PLGRKT: variants seen among roughly 807,000 people sequenced by gnomAD.
The protein encoded by PLGRKT is plasminogen receptor (KT).
Under a neutral mutation model 18.5 loss-of-function variants are expected in PLGRKT, and 22 were observed. The ratio of observed to expected loss-of-function variants is 1.19; its 90% CI spans 0.85 to 1.70. PLGRKT has a LOEUF of 1.70. Ranked by LOEUF, PLGRKT falls within the 40% of genes most tolerant of loss-of-function variation. PLGRKT has a pLI of 0.00. For missense variants in PLGRKT, 235 were observed against 174.4 expected (o/e 1.35, Z -1.96); for synonymous variants, 72 against 52.8 (o/e 1.36, Z -1.58).
At chr9:5,407,434 C>T (rs559498797) in intron 3 of PLGRKT, among the ~76,000 whole-genome samples, 1 of 152,244 alleles carries the variant, frequency 6.6e-6, no homozygotes, top group African/African-American at 2.4e-5. Flanking sequence ...TAATTTGAAA[C>T]ACTTCAGAAC....
intron 3 of PLGRKT, among the ~76,000 whole-genome samples, chr9:5,379,025 G>A (rs1817685545): frequency 6.6e-6 from 1 of 151,778 alleles, no homozygotes; most frequent in African/African-American, 2.4e-5. Flanking sequence ...TACAGTAAAA[G>A]TATAAATAAA....
intron 3 of PLGRKT, among the ~76,000 whole-genome samples, chr9:5,405,481 A>G (rs1818238183): frequency 6.6e-6 from 1 of 152,250 alleles, no homozygotes; most frequent in African/African-American, 2.4e-5. Flanking sequence ...CTGATCTTTG[A>G]CAAACCTGAC....
Position 5,370,255 on chromosome 9 carries a change from T to C in PLGRKT, c.82-8367A>G, listed in dbSNP as rs143426484. 4.6e-3 allele frequency among the ~76,000 whole-genome samples: 699 copies of C among 152,244 alleles called. 7 individuals carry two copies. Among genetic ancestry groups the C allele is most frequent in the African/African-American group, 0.016 (647 of 41,546 alleles). On this transcript the variant is annotated intron_variant, in intron 3 of 5. Coordinates refer to ENST00000223864, the MANE Select transcript of PLGRKT (RefSeq NM_018465.4). ...AAAATATTAAGAACAGCCACAAAAT[T>C]ACTGACCTCAGTAATTTGTCAATCT...
intron 3 of PLGRKT, among the ~76,000 whole-genome samples, chr9:5,403,224 CTTTTTTT>C (rs34557029): frequency 3.3e-4 from 45 of 135,172 alleles, no homozygotes; most frequent in African/African-American, 1.1e-3. Flanking sequence ...ATTCTTTTTT[CTTTTTTT>C]TTTTTTTTTG....
chr9:5,423,446 A>T (rs1205795821), intron 3 of PLGRKT, among the ~76,000 whole-genome samples: 2 of 152,182 alleles, frequency 1.3e-5, no homozygotes, highest in African/African-American at 4.8e-5. Context: ...AAACTAAGGG[A>T]GTCTATATAC....
intron 3 of PLGRKT, among the ~76,000 whole-genome samples, chr9:5,385,312 G>C (rs1402762785): frequency 6.6e-6 from 1 of 151,710 alleles, no homozygotes; most frequent in Non-Finnish European, 1.5e-5. Flanking sequence ...TCATCTGCTT[G>C]AGTTGAAAAG....
intron 3 of PLGRKT, among the ~76,000 whole-genome samples, chr9:5,381,065 C>A (rs1817735272): frequency 6.6e-6 from 1 of 152,214 alleles, no homozygotes; most frequent in Admixed American, 6.5e-5. Context: ...TTGTAAGTTT[C>A]CTGAGGCCTC....
chr9:5,384,871 A>T (rs1817812227), intron 3 of PLGRKT, among the ~76,000 whole-genome samples: 1 of 152,192 alleles, frequency 6.6e-6, no homozygotes. Flanking sequence ...TTGTTTCCTA[A>T]GGTCTTTCAC....
At chr9:5,359,606 C>CA (rs1346203048) in intron 5 of PLGRKT, among the ~76,000 whole-genome samples, 2 of 152,178 alleles carry the variant, frequency 1.3e-5, no homozygotes, top group Admixed American at 1.3e-4. Flanking sequence ...ATGATAAACT[C>CA]AGTCGAATAG....
intron 3 of PLGRKT, among the ~76,000 whole-genome samples, chr9:5,428,145 G>A (rs1481565585): frequency 2.6e-5 from 4 of 152,206 alleles, no homozygotes; most frequent in African/African-American, 7.2e-5. Context: ...TGTTAACAAT[G>A]AGGGTAGAGA....
At chr9:5,415,300 G>C (rs1586736640) in intron 3 of PLGRKT, among the ~76,000 whole-genome samples, 2 of 152,258 alleles carry the variant, frequency 1.3e-5, no homozygotes, top group Non-Finnish European at 2.9e-5. Flanking sequence ...AGAGTAAAAT[G>C]TCCACGAAAA....
chr9:5,416,465 A>G (rs960864214), intron 3 of PLGRKT, among the ~76,000 whole-genome samples: 7 of 152,216 alleles, frequency 4.6e-5, no homozygotes, highest in Admixed American at 4.6e-4. Context: ...TTAAAGCTAT[A>G]GGATCATTTT....
rs187221996 is a variant in PLGRKT at position 5,405,567 on chromosome 9, T to C, written c.81+26330A>G. Among the ~76,000 whole-genome samples, 40 of 152,154 alleles carry C rather than the reference T, an allele frequency of 2.6e-4. No individual in the cohort carries two copies. The East Asian group carries it at 4.6e-3, about 18-fold the overall frequency. On this transcript the variant is annotated intron_variant, in intron 3 of 5. Coordinates refer to ENST00000223864, the MANE Select transcript of PLGRKT (RefSeq NM_018465.4). Reference sequence around the variant, plus strand: ...GAAATGGTTAGCCATATGTAGAAAATTGAAACTGGATCCCTTCCTTACACC... The same window carrying C: ...GAAATGGTTAGCCATATGTAGAAAACTGAAACTGGATCCCTTCCTTACACC...
In PLGRKT at chr9:5,423,741, A is replaced by C. The variant is rs894097713; in HGVS notation, c.81+8156T>G. On this transcript the variant is annotated intron_variant, in intron 3 of 5. Coordinates refer to ENST00000223864, the MANE Select transcript of PLGRKT (RefSeq NM_018465.4). ...TTTTGAGACAAGGTCTCACTCTGTC[A>C]CCCAGGTTGTAGTGTAGTGGCATAA... Among the ~76,000 whole-genome samples, 6 of 150,504 alleles carry C rather than the reference A, an allele frequency of 4.0e-5. No homozygotes were observed. In the East Asian group the frequency reaches 7.8e-4, roughly 19 times the overall value.
At position 5,367,097 on chromosome 9, in the gene PLGRKT, CACAA is replaced by C. The variant is rs531025110; in HGVS notation, c.82-5213_82-5210del. Among the ~76,000 whole-genome samples, 17 of 149,916 alleles carry C rather than the reference CACAA, an allele frequency of 1.1e-4. No individual in the cohort carries two copies. The South Asian group carries it at 2.7e-3, about 24-fold the overall frequency. On this transcript the variant is annotated intron_variant, in intron 3 of 5. Coordinates refer to ENST00000223864, the MANE Select transcript of PLGRKT (RefSeq NM_018465.4). ...TAGGAATGAAAGAAATCAGAGACAGCACAAACAAATGAAAGAACATTCCACGCTC... is the reference window on the plus strand; with the variant it reads ...TAGGAATGAAAGAAATCAGAGACAGCACAAATGAAAGAACATTCCACGCTC...
intron 3 of PLGRKT, among the ~76,000 whole-genome samples, chr9:5,371,306 G>A (rs1374164612): frequency 6.6e-6 from 1 of 152,182 alleles, no homozygotes; most frequent in Non-Finnish European, 1.5e-5. Context: ...ATCCACTTCT[G>A]ATATGATTTG....
chr9:5,419,453 C>T (rs115404251), intron 3 of PLGRKT, among the ~76,000 whole-genome samples: 136 of 152,326 alleles, frequency 8.9e-4, no homozygotes, highest in African/African-American at 2.5e-3. Flanking sequence ...AGGCCACGGA[C>T]GCTACAGCTT....
At chr9:5,367,313 C>T (rs1817415461) in intron 3 of PLGRKT, among the ~76,000 whole-genome samples, 1 of 151,982 alleles carries the variant, frequency 6.6e-6, no homozygotes, top group African/African-American at 2.4e-5. Flanking sequence ...AAGAACAAAG[C>T]CAGAGGCATC....
chr9:5,379,865 T>G (rs1817703769), intron 3 of PLGRKT, among the ~76,000 whole-genome samples: 5 of 152,138 alleles, frequency 3.3e-5, no homozygotes, highest in Admixed American at 3.3e-4. Context: ...TGATAGAAAA[T>G]CTTCATGCTT....
Sources: gnomAD v4.1 joint callset for allele counts (sites outside exome capture counted in the v4.1 genomes callset) on GRCh38, gnomAD v4.1.1 for gene constraint, MANE v1.5 for transcripts, NCBI Gene and HGNC (gene_info 2026-07-23, HGNC 2026-07-21) for gene names.